The following RPRD1A variants were observed in gnomAD, a reference collection of about 807,000 sequenced individuals.
The protein encoded by RPRD1A is regulation of nuclear pre-mRNA domain containing 1A.
RPRD1A carries 9 observed loss-of-function variants against 37.8 expected under a neutral mutation model. The ratio of observed to expected loss-of-function variants is 0.24; its 90% CI spans 0.14 to 0.42. RPRD1A has a LOEUF of 0.42. RPRD1A is among the 10% of genes least tolerant of loss of function. The pLI is 1.00. For missense variants in RPRD1A, 255 were observed against 371.0 expected, an observed-to-expected ratio of 0.69 and a Z score of 2.57; for synonymous variants, 138 against 139.7, an observed-to-expected ratio of 0.99 and a Z score of 0.08.
intron 6 of RPRD1A, among the ~76,000 whole-genome samples, chr18:35,996,265 CT>C (rs796773570): frequency 0.013 from 1,889 of 147,278 alleles, 45 homozygotes; most frequent in African/African-American, 0.042. Context: ...AAAATTAAAA[CT>C]TTTTTTTTTT....
intron 4 of RPRD1A, 49 bp downstream of exon 4, chr18:36,030,759 C>A: frequency 9.0e-7 from 1 of 1,107,598 alleles, no homozygotes; most frequent in Non-Finnish European, 1.3e-6. Context: ...AGCTTGGTGG[C>A]AACATGAAGT....
chr18:36,018,973 G>C (rs1277486331), intron 6 of RPRD1A, among the ~76,000 whole-genome samples: 1 of 151,790 alleles, frequency 6.6e-6, no homozygotes, highest in Non-Finnish European at 1.5e-5. Context: ...AATCAGCAAA[G>C]CAAAAAGCTC....
chr18:36,045,092 T>A (rs1406627121), intron 1 of RPRD1A, among the ~76,000 whole-genome samples: 1 of 151,594 alleles, frequency 6.6e-6, no homozygotes, highest in African/African-American at 2.4e-5. Context: ...ATACAGAAAT[T>A]AGCCAGACGT....
intron 1 of RPRD1A, among the ~76,000 whole-genome samples, chr18:36,047,915 T>C (rs1913072181): frequency 6.6e-6 from 1 of 152,148 alleles, no homozygotes; most frequent in Admixed American, 6.5e-5. Context: ...TCTTTAAAAT[T>C]CTACACACTC....
chr18:36,025,336 C>G (rs1911288506), intron 6 of RPRD1A: 1 of 288,488 alleles, frequency 3.5e-6, no homozygotes, highest in South Asian at 3.4e-5. Flanking sequence ...TAGAATAGTA[C>G]CTGACACATG....
At chr18:36,062,888 C>A (rs1298142555) in intron 1 of RPRD1A, 1 of 152,080 alleles carries the variant, frequency 6.6e-6, no homozygotes, top group Non-Finnish European at 1.5e-5. Flanking sequence ...ATAAACATAT[C>A]AAAAACCACT....
chr18:36,013,175 C>T (rs73946757), intron 6 of RPRD1A, among the ~76,000 whole-genome samples: 3,660 of 152,178 alleles, frequency 0.024, 157 homozygotes, highest in African/African-American at 0.082. Flanking sequence ...TGTGAACTAG[C>T]CAAGCAAACA....
intron 6 of RPRD1A, chr18:36,025,700 A>T: frequency 1.6e-6 from 2 of 1,246,678 alleles, no homozygotes; most frequent in Non-Finnish European, 2.1e-6. Context: ...GCTCAATAGA[A>T]GTTAAAGAAA....
At chr18:36,006,340 A>G (rs1014109156) in intron 6 of RPRD1A, among the ~76,000 whole-genome samples, 2 of 151,988 alleles carry the variant, frequency 1.3e-5, no homozygotes, top group African/African-American at 4.8e-5. Context: ...CACCATGCCT[A>G]GCTAATTTTC....
At chr18:36,015,171 T>TACAC (rs1317517659) in intron 6 of RPRD1A, among the ~76,000 whole-genome samples, 291 of 90,036 alleles carry the variant, frequency 3.2e-3, no homozygotes, top group Non-Finnish European at 4.5e-3. Context: ...TATACACATA[T>TACAC]ATACACACAC....
rs192498352 is a variant in RPRD1A, at chr18:36,026,828, T to G, written c.789+72A>C. 18 of 1,425,262 alleles carry G rather than the reference T, an allele frequency of 1.3e-5. No individual in the cohort carries two copies. In the East Asian group the frequency reaches 4.1e-4, roughly 33 times the overall value. The allele number at this position is 1,425,262 out of a possible 1,614,324, so 88.3% of individuals were successfully genotyped here. A position where few individuals can be genotyped will look rare whatever the true frequency, so the allele number is the denominator to read the frequency against. On this transcript the variant is annotated intron_variant, in intron 6 of 6. Transcript: ENST00000399022. Reference sequence around the variant, plus strand: ...AAAAATGCAAAATGTGCACATAGATTAAAATATTTTAAAATTCCTAACAAA... The same window carrying G: ...AAAAATGCAAAATGTGCACATAGATGAAAATATTTTAAAATTCCTAACAAA...
At chr18:36,024,185 C>T (rs762994497) in intron 6 of RPRD1A, among the ~76,000 whole-genome samples, 11 of 151,830 alleles carry the variant, frequency 7.2e-5, no homozygotes, top group Non-Finnish European at 5.9e-5. Flanking sequence ...CTCGGTCTGT[C>T]GCCCAGTCTG....
intron 4 of RPRD1A, among the ~76,000 whole-genome samples, chr18:36,029,193 G>A (rs1158909698): frequency 6.6e-6 from 1 of 152,284 alleles, no homozygotes; most frequent in East Asian, 1.9e-4. Context: ...CGTGGCCTTG[G>A]TCTGATTCCT....
At chr18:36,048,643 T>TAA (rs756604231) in intron 1 of RPRD1A, among the ~76,000 whole-genome samples, 1 of 116,266 alleles carries the variant, frequency 8.6e-6, no homozygotes, top group Non-Finnish European at 1.9e-5. Flanking sequence ...AAAAAGCACC[T>TAA]AAAAAAAAAA....
Position 35,994,256 on chromosome 18 carries a change from T to A in RPRD1A, c.790-956A>T, listed in dbSNP as rs1292563183. 2.6e-5 allele frequency among the ~76,000 whole-genome samples: 4 copies of A among 152,124 alleles called. No individual in the cohort carries two copies. In the East Asian group the frequency reaches 7.7e-4, roughly 29 times the overall value. On this transcript the variant is annotated intron_variant, in intron 6 of 6. Coordinates refer to ENST00000399022, the MANE Select transcript of RPRD1A (RefSeq NM_018170.5). ...AGATTCACGCTCTTTCCAAATGTGGTCACAGGTAAGTCCTGAGAGGACCAT... is the reference window on the plus strand; with the variant it reads ...AGATTCACGCTCTTTCCAAATGTGGACACAGGTAAGTCCTGAGAGGACCAT...
chr18:35,997,741 T>TAAAAA (rs1205542357), intron 6 of RPRD1A, among the ~76,000 whole-genome samples: 1 of 152,198 alleles, frequency 6.6e-6, no homozygotes, highest in Non-Finnish European at 1.5e-5. Context: ...GGGCACAACA[T>TAAAAA]AAAACTCATA....
chr18:36,004,353 C>T (rs1300712052), intron 6 of RPRD1A, among the ~76,000 whole-genome samples: 1 of 152,110 alleles, frequency 6.6e-6, no homozygotes, highest in Non-Finnish European at 1.5e-5. Context: ...CTCCTGCGCT[C>T]AAATGATCCT....
intron 6 of RPRD1A, among the ~76,000 whole-genome samples, chr18:36,011,220 C>G (rs1027723131): frequency 2.4e-4 from 36 of 152,118 alleles, no homozygotes; most frequent in Non-Finnish European, 3.1e-4. Flanking sequence ...CCCTATTTTA[C>G]AGACAAGGAA....
At chr18:35,996,216 ACT>A (rs1243438712) in intron 6 of RPRD1A, among the ~76,000 whole-genome samples, 1 of 152,146 alleles carries the variant, frequency 6.6e-6, no homozygotes, top group Non-Finnish European at 1.5e-5. Context: ...AATTTTCTAT[ACT>A]CTCTTCATAG....
Sources: allele counts gnomAD v4.1 joint callset (sites outside exome capture counted in the v4.1 genomes callset), GRCh38; gene constraint gnomAD v4.1.1; transcripts MANE v1.5; gene names NCBI Gene and HGNC (gene_info 2026-07-23, HGNC 2026-07-21).